TNRC6B: variants seen among roughly 807,000 people sequenced by gnomAD.
TNRC6B encodes trinucleotide repeat-containing gene 6B protein.
TNRC6B carries 52 observed loss-of-function variants against 203.6 expected under a neutral mutation model. The ratio of observed to expected loss-of-function variants is 0.26; its 90% CI spans 0.20 to 0.32. The LOEUF is 0.32. TNRC6B is among the 10% of genes least tolerant of loss of function. The pLI is 1.00. For synonymous variants in TNRC6B, 838 were observed against 845.7 expected, an observed-to-expected ratio of 0.99 and a Z score of 0.16; for missense variants, 1,923 against 2,286.2, an observed-to-expected ratio of 0.84 and a Z score of 3.24.
At chr22:40,106,507 G>T in intron 1 of TNRC6B, 1 of 738,206 alleles carries the variant, frequency 1.4e-6, no homozygotes. Context: ...AGATCCTCCA[G>T]CAGATGATGC....
chr22:40,264,181 T>C lies in TNRC6B; in HGVS notation c.458-507T>C, dbSNP rs142654906. Among the ~76,000 whole-genome samples the C allele has an allele frequency of 3.8e-3, 582 of 152,230 alleles. 4 individuals carry two copies. Among genetic ancestry groups the C allele is most frequent in the Middle Eastern group, 0.031 (9 of 294 alleles). ...GTAGTATCGAATATTGACATCTACA[T>C]AGGAGGTAGTAGAAGATAAGACTAG... On this transcript the variant is annotated intron_variant, in intron 4 of 22. Coordinates refer to ENST00000454349, the MANE Select transcript of TNRC6B (RefSeq NM_001162501.2).
chr22:40,117,588 C>T (rs2068401355), intron 2 of TNRC6B, among the ~76,000 whole-genome samples: 1 of 152,134 alleles, frequency 6.6e-6, no homozygotes, highest in Non-Finnish European at 1.5e-5. Flanking sequence ...TTTCTGGTTG[C>T]TTTTTTAGTG....
At chr22:40,136,371 T>TTGTGTGTGTGTGTG (rs56246561) in intron 3 of TNRC6B, among the ~76,000 whole-genome samples, 6,729 of 141,020 alleles carry the variant, frequency 0.048, 193 homozygotes, top group Non-Finnish European at 0.061. Context: ...TATGTTTATC[T>TTGTGTGTGTGTGTG]TGTGTGTGTG....
chr22:40,269,078 C>T (rs1229528805), intron 5 of TNRC6B, among the ~76,000 whole-genome samples: 1 of 149,812 alleles, frequency 6.7e-6, no homozygotes, highest in African/African-American at 2.4e-5. Flanking sequence ...TTATAGCTTC[C>T]AATTTTAGCA....
chr22:40,108,975 T>A, intron 1 of TNRC6B, among the ~76,000 whole-genome samples: 1 of 98,864 alleles, frequency 1.0e-5, no homozygotes, highest in Non-Finnish European at 1.9e-5. Flanking sequence ...GTTGCTCCCC[T>A]CCCTGTGTCC....
chr22:40,190,404 T>C (rs933361946), intron 1 of TNRC6B, among the ~76,000 whole-genome samples: 1 of 152,232 alleles, frequency 6.6e-6, no homozygotes. Context: ...AAGTAGGTTA[T>C]AAAACTTACA....
At chr22:40,202,260 G>GTTTTTGTTTTTTGT (rs761983025) in intron 1 of TNRC6B, among the ~76,000 whole-genome samples, 13 of 129,778 alleles carry the variant, frequency 1.0e-4, no homozygotes, top group African/African-American at 3.6e-4. Flanking sequence ...TTGTTTTTTT[G>GTTTTTGTTTTTTGT]TTTTTTTTTT....
At chr22:40,137,982 CAA>C (rs10578847) in intron 3 of TNRC6B, among the ~76,000 whole-genome samples, 21 of 109,866 alleles carry the variant, frequency 1.9e-4, no homozygotes, top group Admixed American at 2.6e-4. Context: ...GACTGTATCT[CAA>C]AAAAAAAAAA....
At chr22:40,227,196 T>A (rs1488667086) in intron 1 of TNRC6B, among the ~76,000 whole-genome samples, 2 of 149,982 alleles carry the variant, frequency 1.3e-5, no homozygotes, top group East Asian at 3.9e-4. Flanking sequence ...TCCACTTGCC[T>A]CAGCCTCCGA....
At chr22:40,168,655 C>G (rs2068943224) in intron 4 of TNRC6B, among the ~76,000 whole-genome samples, 1 of 152,182 alleles carries the variant, frequency 6.6e-6, no homozygotes, top group Non-Finnish European at 1.5e-5. Flanking sequence ...GCTATTATTT[C>G]TATCTTCTGA....
intron 3 of TNRC6B, among the ~76,000 whole-genome samples, chr22:40,155,218 ATAAG>A (rs1353751066): frequency 2.0e-5 from 3 of 152,146 alleles, no homozygotes; most frequent in Non-Finnish European, 4.4e-5. Flanking sequence ...GTATATACCT[ATAAG>A]TAAGTGCAGT....
In TNRC6B at chr22:40,264,677, C is replaced by G; in HGVS notation, c.458-11C>G. 1 of 1,560,066 alleles carries G rather than the reference C, an allele frequency of 6.4e-7. No individual in the cohort carries two copies. Among genetic ancestry groups the G allele is most frequent in the Non-Finnish European group, 8.7e-7 (1 of 1,154,772 alleles). On this transcript the variant is annotated splice_polypyrimidine_tract_variant and intron_variant, in intron 4 of 22. Coordinates refer to ENST00000454349, the MANE Select transcript of TNRC6B (RefSeq NM_001162501.2). ...TTGAAGCTGTGATTAATAAGATGATCTGTTCCCCAGACTCAACCCTTGGAG... is the reference window on the plus strand; with the variant it reads ...TTGAAGCTGTGATTAATAAGATGATGTGTTCCCCAGACTCAACCCTTGGAG...
At chr22:40,100,066 TATTATTTATTTA>T (rs1332654742) in intron 1 of TNRC6B, among the ~76,000 whole-genome samples, 4 of 81,352 alleles carry the variant, frequency 4.9e-5, no homozygotes, top group African/African-American at 1.7e-4. Flanking sequence ...ATTTTATTTT[TATTATTTATTTA>T]TTTATTTATT....
chr22:40,324,763 A>G lies in TNRC6B; in HGVS notation c.*1522A>G, dbSNP rs966988680. ...TGTATGTGGTTTTGCTTAGGCAGGT[A>G]TAACTTAGCGAAGACTTTTAAGTAT... On this transcript the variant is annotated 3_prime_UTR_variant, in exon 23 of 23. Transcript: ENST00000454349. 6.6e-6 allele frequency: 1 copy of G among 152,424 alleles called. No individual in the cohort carries two copies. Among genetic ancestry groups the G allele is most frequent in the Non-Finnish European group, 1.5e-5 (1 of 68,026 alleles). The allele number at this position is 152,424 out of a possible 1,614,324, so 9.4% of individuals were successfully genotyped here.
chr22:40,221,553 C>T (rs1014666990), intron 1 of TNRC6B, among the ~76,000 whole-genome samples: 8 of 152,174 alleles, frequency 5.3e-5, no homozygotes, highest in African/African-American at 1.9e-4. Context: ...GGTCCTCCCA[C>T]CTCAGCTTCC....
intron 5 of TNRC6B, 137 bp downstream of exon 5, chr22:40,267,173 A>G: frequency 1.1e-6 from 1 of 884,394 alleles, no homozygotes; most frequent in Non-Finnish European, 1.6e-6. Flanking sequence ...TGCTAACAGA[A>G]CCTCTTTTTA....
intron 11 of TNRC6B, among the ~76,000 whole-genome samples, 176 bp from the exon 12 acceptor site, chr22:40,285,469 C>T (rs1447967463): frequency 6.6e-6 from 1 of 152,174 alleles, no homozygotes; most frequent in African/African-American, 2.4e-5. Flanking sequence ...GCCCATGAGT[C>T]AATCTGAGTA....
intron 2 of TNRC6B, among the ~76,000 whole-genome samples, chr22:40,124,523 C>G (rs111473400): frequency 0.057 from 8,625 of 151,922 alleles, 786 homozygotes; most frequent in African/African-American, 0.19. Flanking sequence ...GGGTTTCGCC[C>G]CCAGGCTGGT....
rs568063097 is a variant in TNRC6B at position 40,163,480 on chromosome 22, A to AAAGC, written c.113+7298_113+7299insAAGC. ...TCAAAAAAAAAAAAAAAAAAAAAAA[A>AAAGC]GGCCAGGCACGGTGGCTCACGCCTG... On this transcript the variant is annotated intron_variant, in intron 4 of 23. Transcript: ENST00000301923. 1.1e-4 allele frequency among the ~76,000 whole-genome samples: 7 copies of AAAGC among 66,224 alleles called. 3 individuals carry two copies. Among genetic ancestry groups the AAAGC allele is most frequent in the African/African-American group, 4.7e-4 (7 of 14,932 alleles). The allele number at this position is 66,224 out of a possible 152,430, so 43.4% of individuals were successfully genotyped here.
Sources: allele counts gnomAD v4.1 joint callset (sites outside exome capture counted in the v4.1 genomes callset), GRCh38; gene constraint gnomAD v4.1.1; transcripts MANE v1.5; gene names NCBI Gene and HGNC (gene_info 2026-07-23, HGNC 2026-07-21).